Variants in CCDC7 observed in about 807,000 individuals in gnomAD.
CCDC7 encodes the protein coiled-coil domain-containing protein 7.
CCDC7 carries 183 observed loss-of-function variants against 196.9 expected under a neutral mutation model. The ratio of observed to expected loss-of-function variants is 0.93; its 90% CI spans 0.82 to 1.05. The LOEUF (loss-of-function observed/expected upper bound fraction) is 1.05, where lower values mean the gene tolerates loss of function less well. Ranked by LOEUF, CCDC7 falls within the 50% of genes least tolerant of loss-of-function variation. The probability of loss-of-function intolerance (pLI) is 0.00; values close to 1 mark genes in which losing one functional copy is unlikely to be tolerated. For synonymous variants in CCDC7, 525 were observed against 484.6 expected, an observed-to-expected ratio of 1.08 and a Z score of -1.10; for missense variants, 1,540 against 1,482.2, an observed-to-expected ratio of 1.04 and a Z score of -0.64.
chr10:32,448,725 T>C (rs2032138651), upstream of CCDC7, among the ~76,000 whole-genome samples: 1 of 152,096 alleles, frequency 6.6e-6, no homozygotes, highest in Non-Finnish European at 1.5e-5. Context: ...TTCTGAACAT[T>C]AGATACTGCT....
At chr10:32,782,610 A>T (rs928527805) in intron 29 of CCDC7, among the ~76,000 whole-genome samples, 4 of 152,240 alleles carry the variant, frequency 2.6e-5, no homozygotes, top group African/African-American at 9.6e-5. Flanking sequence ...TCAAATTCCC[A>T]TAATACTTAT....
chr10:32,450,650 C>T (rs531634714), upstream of CCDC7, among the ~76,000 whole-genome samples: 29 of 152,206 alleles, frequency 1.9e-4, no homozygotes, highest in Middle Eastern at 3.4e-3. Context: ...AATAAAAGCC[C>T]AAGACCTATC....
rs958659475 is a variant in CCDC7, at chr10:32,728,907, GA to G, written c.2693del (p.Asn898MetfsTer2). On this transcript the variant is annotated frameshift_variant, in exon 27 of 42. Transcript: ENST00000639629. LOFTEE classifies it high-confidence loss of function. ...TATAGCTCGTATTGTAGTACCAAAT[GA>G]AAATGTGATTTCTGTTCATCAAGAT... 3 of 1,604,392 alleles carry G rather than the reference GA, an allele frequency of 1.9e-6. No individual in the cohort carries two copies. Among genetic ancestry groups the G allele is most frequent in the African/African-American group, 2.7e-5 (2 of 74,648 alleles).
intron 20 of CCDC7, among the ~76,000 whole-genome samples, chr10:32,660,575 G>T (rs893593553): frequency 6.4e-5 from 9 of 141,140 alleles, no homozygotes; most frequent in African/African-American, 2.1e-4. Context: ...GAATAATGCC[G>T]CAATAAACAT....
intron 11 of CCDC7, among the ~76,000 whole-genome samples, chr10:32,540,278 C>T (rs2051190115): frequency 6.6e-6 from 1 of 152,106 alleles, no homozygotes; most frequent in African/African-American, 2.4e-5. Flanking sequence ...ATGTACTGCC[C>T]ATCTTTACCT....
intron 39 of CCDC7, 88 bp downstream of exon 40, chr10:32,848,806 T>G (rs2093418218): frequency 2.8e-6 from 3 of 1,085,820 alleles, no homozygotes; most frequent in South Asian, 2.9e-5. Flanking sequence ...TCTTTTTGCA[T>G]CTTACTTTTT....
chr10:32,604,670 A>ACTTTTT (rs1291101656), intron 18 of CCDC7, among the ~76,000 whole-genome samples: 2 of 151,964 alleles, frequency 1.3e-5, no homozygotes, highest in African/African-American at 2.4e-5. Context: ...TAGGTATATT[A>ACTTTTT]CTTTTTCTTA....
At chr10:32,627,900 T>C (rs1470050768) in intron 18 of CCDC7, among the ~76,000 whole-genome samples, 1 of 151,994 alleles carries the variant, frequency 6.6e-6, no homozygotes, top group Admixed American at 6.6e-5. Flanking sequence ...TAATGTGTTG[T>C]TGAATTTGGT....
At chr10:32,698,799 A>G (rs554471627) in intron 24 of CCDC7, among the ~76,000 whole-genome samples, 5 of 152,200 alleles carry the variant, frequency 3.3e-5, no homozygotes, top group Non-Finnish European at 7.3e-5. Flanking sequence ...TATGAAGGAG[A>G]ACTTCCCCAA....
chr10:32,498,864 T>C (rs2043354134), intron 9 of CCDC7, among the ~76,000 whole-genome samples: 1 of 151,802 alleles, frequency 6.6e-6, no homozygotes, highest in African/African-American at 2.4e-5. Context: ...ATTATGTGTC[T>C]TGGGGTTGCT....
chr10:32,604,053 G>A (rs11818914), intron 18 of CCDC7, among the ~76,000 whole-genome samples: 7,856 of 152,038 alleles, frequency 0.052, 668 homozygotes, highest in African/African-American at 0.18. Context: ...TTTCTCCTGC[G>A]TTTTCTTCTA....
chr10:32,693,998 T>C (rs1369422677), intron 23 of CCDC7, among the ~76,000 whole-genome samples: 2 of 152,196 alleles, frequency 1.3e-5, no homozygotes, highest in East Asian at 3.8e-4. Flanking sequence ...TAAAAATTCA[T>C]ATACAATAAT....
chr10:32,831,828 A>G (rs1593247831), intron 32 of CCDC7, among the ~76,000 whole-genome samples: 1 of 152,210 alleles, frequency 6.6e-6, no homozygotes, highest in Non-Finnish European at 1.5e-5. Flanking sequence ...TCTACAGTTA[A>G]TGTTTTTTGT....
chr10:32,715,791 A>G (rs1032077529), intron 25 of CCDC7, among the ~76,000 whole-genome samples: 2 of 152,198 alleles, frequency 1.3e-5, no homozygotes, highest in African/African-American at 2.4e-5. Flanking sequence ...CAAGTGGAAG[A>G]AAGGATATCC....
At chr10:32,556,892 C>T (rs1470068780) in intron 13 of CCDC7, among the ~76,000 whole-genome samples, 1 of 152,196 alleles carries the variant, frequency 6.6e-6, no homozygotes, top group Non-Finnish European at 1.5e-5. Flanking sequence ...GATTGTTCAA[C>T]TTCCTCTCTG....
At position 32,828,485 on chromosome 10, in the gene CCDC7, G is replaced by GGAAGAAGAAGAAGAAGAAGAA. The variant is rs68150303; in HGVS notation, c.3268+3936_3268+3956dup. Among the ~76,000 whole-genome samples the GGAAGAAGAAGAAGAAGAAGAA allele has an allele frequency of 4.8e-4, 24 of 49,750 alleles. 1 individual carries two copies. The highest frequency in any genetic ancestry group is 1.5e-3 in the East Asian group (2 of 1,364). The allele number at this position is 49,750 out of a possible 152,430, so 32.6% of individuals were successfully genotyped here. Reference sequence around the variant, plus strand: ...AAGAAGAGGAAGAGGAAGAGGAAGAGGAAGAAGAAGAAGAAGAAGAAGAAG... The same window carrying GGAAGAAGAAGAAGAAGAAGAA: ...AAGAAGAGGAAGAGGAAGAGGAAGAGGAAGAAGAAGAAGAAGAAGAAGAAGAAGAAGAAGAAGAAGAAGAAG... On this transcript the variant is annotated intron_variant, in intron 32 of 41. Coordinates refer to ENST00000639629, the Ensembl canonical transcript of CCDC7.
intron 13 of CCDC7, among the ~76,000 whole-genome samples, chr10:32,560,395 G>A (rs1372655789): frequency 6.6e-6 from 1 of 151,916 alleles, no homozygotes; most frequent in African/African-American, 2.4e-5. Flanking sequence ...TTGAAATGAA[G>A]GAAAAAATGT....
intron 18 of CCDC7, among the ~76,000 whole-genome samples, chr10:32,587,702 A>G (rs531368618): frequency 1.3e-5 from 2 of 152,334 alleles, no homozygotes; most frequent in South Asian, 4.1e-4. Flanking sequence ...TCATCTGTGA[A>G]TAAAGATAGT....
chr10:32,634,820 C>T (rs927832633), intron 19 of CCDC7, among the ~76,000 whole-genome samples: 7 of 152,176 alleles, frequency 4.6e-5, no homozygotes, highest in African/African-American at 1.7e-4. Context: ...AACTAGAGAA[C>T]TAAAGTGAAA....
Sources: allele counts gnomAD v4.1 joint callset (sites outside exome capture counted in the v4.1 genomes callset), GRCh38; gene constraint gnomAD v4.1.1; transcripts MANE v1.5; gene names NCBI Gene and HGNC (gene_info 2026-07-23, HGNC 2026-07-21).